The following CADPS variants were observed in gnomAD, a reference collection of about 807,000 sequenced individuals.
CADPS encodes the protein calcium dependent secretion activator.
A neutral mutation model predicts 167.3 loss-of-function variants in CADPS; 57 were observed. The observed-to-expected ratio is 0.34, with a 90% CI of 0.28 to 0.42. CADPS has a LOEUF of 0.42. Among genes scored for constraint, CADPS ranks in the 20% least tolerant of loss-of-function variants. CADPS has a pLI of 1.00. For missense variants in CADPS, 1,414 were observed against 1,738.1 expected (o/e 0.81, Z 3.32); for synonymous variants, 676 against 635.3 (o/e 1.06, Z -0.96).
In CADPS at chr3:62,753,601, G is replaced by A. The variant is rs2083205097; in HGVS notation, c.728C>T (p.Ala243Val). Reference protein sequence around the residue: ...VLSSWMAKFDAIYRGEEDPRK... With the variant: ...VLSSWMAKFDVIYRGEEDPRK... The stretch of plus-strand genomic sequence containing the variant: ...CGGGTCCTCTTCTCCACGGTAGATG[G>A]CATCAAATTTGGCCATCCAGGAGCT... The change falls in exon 3 of 30, where the codon GCC becomes GTC. Residue 243 changes from alanine (A) to valine (V), a missense_variant. Physicochemically the swap from Ala to Val is moderately conservative, Grantham distance 64. Around this residue, in one of 6 missense-constraint regions of CADPS, gnomAD observed 522 missense variants for 559.5 expected, o/e 0.93. Coordinates refer to ENST00000383710, the MANE Select transcript of CADPS (RefSeq NM_003716.4). The surrounding 1 kb of genome is among the most constrained non-coding windows in gnomAD (Gnocchi z 4.6). 6.2e-7 allele frequency: 1 copy of A among 1,614,136 alleles called. No individual in the cohort carries two copies. The highest frequency in any genetic ancestry group is 2.2e-5 in the East Asian group (1 of 44,872).
chr3:62,823,726 C>T (rs1470518594), intron 1 of CADPS, among the ~76,000 whole-genome samples: 5 of 152,142 alleles, frequency 3.3e-5, no homozygotes, highest in Non-Finnish European at 5.9e-5. Flanking sequence ...ACATTTATTC[C>T]GGTGCACTGA....
intron 11 of CADPS, among the ~76,000 whole-genome samples, chr3:62,547,447 C>T (rs949971820): frequency 1.3e-5 from 2 of 152,032 alleles, no homozygotes; most frequent in Non-Finnish European, 2.9e-5. Context: ...TCCCGTTCCT[C>T]GGCAGTAATA....
intron 28 of CADPS, among the ~76,000 whole-genome samples, chr3:62,407,248 A>G (rs543900436): frequency 6.6e-6 from 1 of 152,292 alleles, no homozygotes; most frequent in Admixed American, 6.5e-5. Flanking sequence ...TACCAGGGAA[A>G]GTCATGTGGT....
chr3:62,672,859 C>T lies in CADPS; in HGVS notation c.889-10465G>A, dbSNP rs183486731. 3.9e-5 allele frequency among the ~76,000 whole-genome samples: 6 copies of T among 152,216 alleles called. No homozygotes were observed. The East Asian group carries it at 5.8e-4, about 15-fold the overall frequency. On this transcript the variant is annotated intron_variant, in intron 3 of 29. Transcript: ENST00000383710. ...GGTCTTGAACCCCTAGCCTCAAACT[C>T]CCACAGGGGCCTCCTAGAGGGCTGG...
At chr3:62,628,059 T>C (rs1428310825) in intron 6 of CADPS, among the ~76,000 whole-genome samples, 1 of 152,188 alleles carries the variant, frequency 6.6e-6, no homozygotes, top group Admixed American at 6.5e-5. Context: ...AAGTAGAGTG[T>C]TCCTCCTCTG....
At chr3:62,451,709 T>C (rs146286080) in intron 26 of CADPS, among the ~76,000 whole-genome samples, 1 of 152,282 alleles carries the variant, frequency 6.6e-6, no homozygotes, top group Non-Finnish European at 1.5e-5. Flanking sequence ...GTTAATTTTT[T>C]TTGTCCTTTG....
chr3:62,406,533 T>G (rs1331274720), intron 28 of CADPS, among the ~76,000 whole-genome samples: 1 of 152,212 alleles, frequency 6.6e-6, no homozygotes, highest in East Asian at 1.9e-4. Context: ...AAATATACTC[T>G]AAGTCTGTAG....
intron 6 of CADPS, among the ~76,000 whole-genome samples, chr3:62,641,256 C>T (rs1431101901): frequency 6.6e-6 from 1 of 152,122 alleles, no homozygotes; most frequent in African/African-American, 2.4e-5. Context: ...AGACTGAGAC[C>T]TGTGGAGGTG....
chr3:62,722,933 G>C (rs2076088992), intron 3 of CADPS, among the ~76,000 whole-genome samples: 1 of 152,106 alleles, frequency 6.6e-6, no homozygotes, highest in Non-Finnish European at 1.5e-5. Context: ...ACCCCCAGCT[G>C]AATAAAAAAC....
intron 3 of CADPS, among the ~76,000 whole-genome samples, chr3:62,714,672 T>G (rs770492950): frequency 6.6e-5 from 10 of 152,170 alleles, no homozygotes; most frequent in Non-Finnish European, 1.5e-5. Flanking sequence ...TTGGCAAAAT[T>G]CACAGATATA....
chr3:62,572,880 T>C (rs1318582918), intron 8 of CADPS, among the ~76,000 whole-genome samples: 2 of 152,060 alleles, frequency 1.3e-5, no homozygotes, highest in South Asian at 2.1e-4. Context: ...TCCTCACATA[T>C]ACTTTTTTTT....
chr3:62,495,546 G>T (rs187461982), intron 18 of CADPS, among the ~76,000 whole-genome samples: 24 of 152,088 alleles, frequency 1.6e-4, no homozygotes, highest in Non-Finnish European at 3.2e-4. Context: ...GTTATACTTC[G>T]GCTACTAAAT....
chr3:62,772,607 T>C lies in CADPS; in HGVS notation c.442-6623A>G, dbSNP rs1576196915. Among the ~76,000 whole-genome samples, 4 of 152,298 alleles carry C rather than the reference T, an allele frequency of 2.6e-5. No individual in the cohort carries two copies. The South Asian group carries it at 8.3e-4, about 32-fold the overall frequency. ...AAACACCCATCTCTGGTTTTTTCAT[T>C]ATGTGAGAAAAAATAAATATATTTC... On this transcript the variant is annotated intron_variant, in intron 1 of 29. Coordinates refer to ENST00000383710, the MANE Select transcript of CADPS (RefSeq NM_003716.4).
chr3:62,543,879 A>C (rs1378769014), intron 11 of CADPS, among the ~76,000 whole-genome samples: 1 of 152,136 alleles, frequency 6.6e-6, no homozygotes, highest in Non-Finnish European at 1.5e-5. Flanking sequence ...GTTCTTTTTT[A>C]TTAATAACTC....
At position 62,493,630 on chromosome 3, in the gene CADPS, T is replaced by G; in HGVS notation, c.2727+15A>C. 6.4e-7 allele frequency: 1 copy of G among 1,553,400 alleles called. No individual in the cohort carries two copies. Among genetic ancestry groups the G allele is most frequent in the Non-Finnish European group, 8.7e-7 (1 of 1,146,866 alleles). Reference sequence around the variant, plus strand: ...GGTCCACCTCTCTTCTTTCACGAGATTTCACTTTACTTACTTCTCCTTTAT... The same window carrying G: ...GGTCCACCTCTCTTCTTTCACGAGAGTTCACTTTACTTACTTCTCCTTTAT... On this transcript the variant is annotated intron_variant, in intron 19 of 29. Coordinates refer to ENST00000383710, the MANE Select transcript of CADPS (RefSeq NM_003716.4).
intron 2 of CADPS, among the ~76,000 whole-genome samples, chr3:62,755,936 C>A (rs1259054445): frequency 6.6e-6 from 1 of 152,126 alleles, no homozygotes; most frequent in Non-Finnish European, 1.5e-5. Context: ...TCTGGAAAGG[C>A]AATGGAGCAT....
At chr3:62,721,429 G>A (rs1435549794) in intron 3 of CADPS, among the ~76,000 whole-genome samples, 1 of 152,092 alleles carries the variant, frequency 6.6e-6, no homozygotes, top group Non-Finnish European at 1.5e-5. Flanking sequence ...GACAACAGTA[G>A]GAAAGTTGGA....
At position 62,874,886 on chromosome 3, in the gene CADPS, C is replaced by G; in HGVS notation, c.144G>C (p.Leu48=). 3 of 1,256,434 alleles carry G rather than the reference C, an allele frequency of 2.4e-6. No homozygotes were observed. Among genetic ancestry groups the G allele is most frequent in the Admixed American group, 3.8e-5 (1 of 26,504 alleles). 77.8% of individuals were successfully genotyped at this position (1,256,434 alleles called of 1,614,324 possible). ...CTCCGGCGCCGGCGCCGCCGCCCCCCAGCCCGGCGCTGCCGGCCGAGCCCT... is the reference window on the plus strand; with the variant it reads ...CTCCGGCGCCGGCGCCGCCGCCCCCGAGCCCGGCGCTGCCGGCCGAGCCCT... ...TSEGSAGSAG[L]GGGGAGAGAG... Residue 48 remains leucine, a synonymous_variant, in exon 1 of 30, where the codon CTG becomes CTC. Coordinates refer to ENST00000383710, the MANE Select transcript of CADPS (RefSeq NM_003716.4). The surrounding 1 kb of genome is among the most constrained non-coding windows in gnomAD (Gnocchi z 7.1).
chr3:62,693,037 GC>G (rs11350012), intron 3 of CADPS, among the ~76,000 whole-genome samples: 108,846 of 151,162 alleles, frequency 0.72, 39,572 homozygotes, highest in East Asian at 0.95. Flanking sequence ...CAATTTCTTG[GC>G]CATCAAGTTT....
Sources: allele counts gnomAD v4.1 joint callset (sites outside exome capture counted in the v4.1 genomes callset), GRCh38; gene constraint gnomAD v4.1.1; regional missense constraint gnomAD v4.1.1; non-coding constraint Gnocchi (gnomAD v3.1); transcripts MANE v1.5; gene names NCBI Gene and HGNC (gene_info 2026-07-23, HGNC 2026-07-21).